The following AP2B1 variants were observed in gnomAD, a reference collection of about 807,000 sequenced individuals.
The protein encoded by AP2B1 is adaptor related protein complex 2 subunit beta 1.
AP2B1 carries 23 observed loss-of-function variants against 102.0 expected under a neutral mutation model. That is an observed-to-expected ratio of 0.23 (90% CI 0.16 to 0.32). AP2B1 has a LOEUF of 0.32. Ranked by LOEUF, AP2B1 falls within the 10% of genes least tolerant of loss-of-function variation. AP2B1 has a pLI of 1.00. For synonymous variants in AP2B1, 381 were observed against 421.2 expected (o/e 0.90, Z 1.17); for missense variants, 541 against 1,157.4 (o/e 0.47, Z 7.73).
chr17:35,706,855 C>T (rs2076350442), intron 18 of AP2B1, among the ~76,000 whole-genome samples: 1 of 151,926 alleles, frequency 6.6e-6, no homozygotes, highest in Non-Finnish European at 1.5e-5. Flanking sequence ...GTTTCACCAT[C>T]TGGCCAGGCT....
At chr17:35,596,737 C>A (rs1352353632) in intron 2 of AP2B1, among the ~76,000 whole-genome samples, 1 of 152,154 alleles carries the variant, frequency 6.6e-6, no homozygotes, top group Admixed American at 6.5e-5. Flanking sequence ...GCGGCGCACA[C>A]CCAGAGCGGG....
chr17:35,595,965 A>T (rs1597969402), intron 2 of AP2B1, among the ~76,000 whole-genome samples: 1 of 150,930 alleles, frequency 6.6e-6, no homozygotes, highest in East Asian at 1.9e-4. Context: ...CCTACTCTTG[A>T]AAAGTGTCCT....
chr17:35,650,114 T>G (rs1013851730), intron 12 of AP2B1, among the ~76,000 whole-genome samples: 11 of 152,118 alleles, frequency 7.2e-5, no homozygotes, highest in Non-Finnish European at 1.0e-4. Flanking sequence ...CAAGCCCAGC[T>G]AATTTTTGTA....
chr17:35,587,740 T>TA (rs1237762771), intron 1 of AP2B1: 1 of 152,172 alleles, frequency 6.6e-6, no homozygotes, highest in Admixed American at 6.5e-5. Flanking sequence ...GTGTGGCTGA[T>TA]AGAGCCTGGA....
At chr17:35,660,507 G>A (rs2075335622) in intron 14 of AP2B1, among the ~76,000 whole-genome samples, 1 of 145,644 alleles carries the variant, frequency 6.9e-6, no homozygotes, top group African/African-American at 2.5e-5. Context: ...TTTGGAGGTG[G>A]AGTTTCACTC....
At chr17:35,683,435 G>A (rs1051440353) in intron 18 of AP2B1, among the ~76,000 whole-genome samples, 3 of 152,182 alleles carry the variant, frequency 2.0e-5, no homozygotes, top group Non-Finnish European at 2.9e-5. Context: ...TATAAGAAGA[G>A]ATTTATATGG....
At chr17:35,660,973 G>C (rs1010994401) in intron 14 of AP2B1, among the ~76,000 whole-genome samples, 2 of 152,206 alleles carry the variant, frequency 1.3e-5, no homozygotes, top group Non-Finnish European at 2.9e-5. Flanking sequence ...TATGGCCATA[G>C]TTAGAATTGT....
chr17:35,589,995 G>A (rs1486751945), intron 1 of AP2B1, among the ~76,000 whole-genome samples: 6 of 140,292 alleles, frequency 4.3e-5, no homozygotes, highest in Admixed American at 1.6e-4. Context: ...GCGCGATCTC[G>A]GCTCACTGCA....
At chr17:35,702,782 G>T (rs2076262090) in intron 18 of AP2B1, among the ~76,000 whole-genome samples, 1 of 152,162 alleles carries the variant, frequency 6.6e-6, no homozygotes, top group Admixed American at 6.5e-5. Context: ...GTATTTGGAG[G>T]TGGGGAGGGG....
chr17:35,674,329 A>G lies in AP2B1; in HGVS notation c.2324+8A>G, dbSNP rs2075653013. The G allele has an allele frequency of 2.5e-6, 4 of 1,613,848 alleles. No individual in the cohort carries two copies. The African/African-American group carries it at 4.0e-5, about 16-fold the overall frequency. On this transcript the variant is annotated splice_region_variant and intron_variant, in intron 17 of 21. Coordinates refer to ENST00000610402, the MANE Select transcript of AP2B1 (RefSeq NM_001030006.2). ...CCAGTTTAACAAAAATAGGTAAGCA[A>G]TCTGGGTCCCTAGCTTGATGTTGAG...
At chr17:35,702,799 A>G (rs1426151029) in intron 18 of AP2B1, among the ~76,000 whole-genome samples, 1 of 152,214 alleles carries the variant, frequency 6.6e-6, no homozygotes, top group Admixed American at 6.5e-5. Context: ...GGGGAGATTA[A>G]GAGTTTGGTT....
rs1366672058 is a variant in AP2B1, at chr17:35,598,162, C to T, written c.38-68C>T. 6.6e-6 allele frequency: 5 copies of T among 762,768 alleles called. No homozygotes were observed. In the East Asian group the frequency reaches 1.3e-4, roughly 19 times the overall value. The allele number at this position is 762,768 out of a possible 1,614,324, so 47.2% of individuals were successfully genotyped here. Reference sequence around the variant, plus strand: ...CCTGCTATCCTGGTATTGGTTATTACATAGTGTAGTATTCTGCTCTAAGTC... The same window carrying T: ...CCTGCTATCCTGGTATTGGTTATTATATAGTGTAGTATTCTGCTCTAAGTC... On this transcript the variant is annotated intron_variant, in intron 2 of 21. Coordinates refer to ENST00000610402, the MANE Select transcript of AP2B1 (RefSeq NM_001030006.2).
At chr17:35,708,448 AAAAC>A (rs1292483239) in intron 18 of AP2B1, among the ~76,000 whole-genome samples, 23 of 152,126 alleles carry the variant, frequency 1.5e-4, no homozygotes, top group Admixed American at 3.9e-4. Flanking sequence ...TTAAAAAAAA[AAAAC>A]AAACAAACAG....
chr17:35,670,924 A>G (rs1598238363), intron 15 of AP2B1, 26 bp downstream of exon 15: 6 of 1,613,028 alleles, frequency 3.7e-6, no homozygotes, highest in African/African-American at 2.7e-5. Flanking sequence ...TTTTTTCACC[A>G]TGAGAAGCAC....
At position 35,649,566 on chromosome 17, in the gene AP2B1, G is replaced by C. The variant is rs556217010; in HGVS notation, c.1537-964G>C. On this transcript the variant is annotated intron_variant, in intron 12 of 21. Transcript: ENST00000610402. ...ATTACAGGCGTAAGCCACCGCGCCC[G>C]GCCCTAGTTTAAAAAATTTTTATGT... 1.4e-4 allele frequency among the ~76,000 whole-genome samples: 22 copies of C among 152,194 alleles called. No homozygotes were observed. The South Asian group carries it at 4.4e-3, about 30-fold the overall frequency.
Position 35,725,221 on chromosome 17 carries a change from C to T in AP2B1, c.*1522C>T, listed in dbSNP as rs1555594890. On this transcript the variant is annotated 3_prime_UTR_variant, in exon 22 of 22. Coordinates refer to ENST00000610402, the MANE Select transcript of AP2B1 (RefSeq NM_001030006.2). ...AATGCTTCATGCCCAAAATACCAGCCTGTTTAGCAGTGTTACACTGTTTGA... is the reference window on the plus strand; with the variant it reads ...AATGCTTCATGCCCAAAATACCAGCTTGTTTAGCAGTGTTACACTGTTTGA... 6.6e-6 allele frequency: 1 copy of T among 152,214 alleles called. No homozygotes were observed. Among genetic ancestry groups the T allele is most frequent in the East Asian group, 1.9e-4 (1 of 5,194 alleles). The allele number at this position is 152,214 out of a possible 1,614,324, so 9.4% of individuals were successfully genotyped here. A position where few individuals can be genotyped will look rare whatever the true frequency, so the allele number is the denominator to read the frequency against.
At chr17:35,590,953 T>C (rs1437677414) in intron 1 of AP2B1, among the ~76,000 whole-genome samples, 1 of 152,032 alleles carries the variant, frequency 6.6e-6, no homozygotes, top group Admixed American at 6.6e-5. Context: ...GGTGGATGGA[T>C]AACTTGATGT....
intron 17 of AP2B1, among the ~76,000 whole-genome samples, chr17:35,680,453 T>C (rs2075793296): frequency 6.6e-6 from 1 of 152,058 alleles, no homozygotes; most frequent in South Asian, 2.1e-4. Flanking sequence ...TCCTGGGCTC[T>C]CAACCTCCTG....
intron 21 of AP2B1, among the ~76,000 whole-genome samples, chr17:35,720,530 A>G (rs1363151005): frequency 8.6e-6 from 1 of 116,000 alleles, no homozygotes; most frequent in Non-Finnish European, 1.7e-5. Context: ...TTTGTCCCAT[A>G]TATTTTTATT....
Sources: allele counts gnomAD v4.1 joint callset (sites outside exome capture counted in the v4.1 genomes callset), GRCh38; gene constraint gnomAD v4.1.1; transcripts MANE v1.5; gene names NCBI Gene and HGNC (gene_info 2026-07-23, HGNC 2026-07-21).